Variants in DLGAP3 observed in about 807,000 individuals in gnomAD.
DLGAP3 encodes the protein disks large-associated protein 3.
A neutral mutation model predicts 81.2 loss-of-function variants in DLGAP3; 17 were observed. The observed-to-expected ratio is 0.21, with a 90% CI of 0.14 to 0.31. The LOEUF is 0.31. Ranked by LOEUF, DLGAP3 falls within the 10% of genes least tolerant of loss-of-function variation. The pLI is 1.00. For missense variants in DLGAP3, 1,124 were observed against 1,388.0 expected, an observed-to-expected ratio of 0.81 and a Z score of 3.02; for synonymous variants, 577 against 587.4, an observed-to-expected ratio of 0.98 and a Z score of 0.26.
intron 8 of DLGAP3, 135 bp downstream of exon 8, chr1:34,884,843 C>A: frequency 1.4e-6 from 1 of 735,394 alleles, no homozygotes; most frequent in South Asian, 1.5e-5. Context: ...CTGCTCTGAC[C>A]ACCCTCTATA....
In DLGAP3 at chr1:34,867,457, C is replaced by G; in HGVS notation, c.2577+79G>C. 1 of 1,304,396 alleles carries G rather than the reference C, an allele frequency of 7.7e-7. No homozygotes were observed. Among genetic ancestry groups the G allele is most frequent in the East Asian group, 2.3e-5 (1 of 43,500 alleles). The allele number at this position is 1,304,396 out of a possible 1,614,324, so 80.8% of individuals were successfully genotyped here. A position where few individuals can be genotyped will look rare whatever the true frequency, so the allele number is the denominator to read the frequency against. On this transcript the variant is annotated intron_variant, in intron 10 of 11. Coordinates refer to ENST00000373347, the MANE Select transcript of DLGAP3 (RefSeq NM_001080418.3). This position sits in a 1 kb window ranked among gnomAD's most constrained non-coding sequence, Gnocchi z 4.3. ...CCTCTGGTACACACTCACTCTGGGT[C>G]ACCTGCCTGTCTCACCTCCAGCACA...
intron 5 of DLGAP3, among the ~76,000 whole-genome samples, chr1:34,894,901 A>G (rs189191397): frequency 6.6e-6 from 1 of 152,236 alleles, no homozygotes; most frequent in East Asian, 1.9e-4. Context: ...AGTCCACATA[A>G]GAAGGGAAGA....
chr1:34,898,805 G>A (rs1368996678), intron 5 of DLGAP3, among the ~76,000 whole-genome samples: 2 of 152,208 alleles, frequency 1.3e-5, no homozygotes, highest in African/African-American at 4.8e-5. Context: ...GTCTAATTAA[G>A]GGGAAAGTCT....
At chr1:34,875,833 A>G (rs1639042244) in intron 8 of DLGAP3, among the ~76,000 whole-genome samples, 1 of 152,146 alleles carries the variant, frequency 6.6e-6, no homozygotes, top group Admixed American at 6.5e-5. Flanking sequence ...CTGGAACCTT[A>G]TCTCCCATTT....
chr1:34,899,654 T>G lies in DLGAP3; in HGVS notation c.1386+15A>C, dbSNP rs777818101. Reference sequence around the variant, plus strand: ...TTTTCACTCTTTCCTCCAGGCATACTGGGCCTCTCCCTACCTGTCCAGTGG... The same window carrying G: ...TTTTCACTCTTTCCTCCAGGCATACGGGGCCTCTCCCTACCTGTCCAGTGG... On this transcript the variant is annotated intron_variant, in intron 5 of 11. Coordinates refer to ENST00000373347, the MANE Select transcript of DLGAP3 (RefSeq NM_001080418.3). 1.9e-6 allele frequency: 3 copies of G among 1,607,612 alleles called. No individual in the cohort carries two copies. The highest frequency in any genetic ancestry group is 2.6e-6 in the Non-Finnish European group (3 of 1,174,272).
chr1:34,908,562 C>T (rs1239918047), intron 1 of DLGAP3, among the ~76,000 whole-genome samples: 3 of 152,078 alleles, frequency 2.0e-5, no homozygotes, highest in Admixed American at 6.5e-5. Context: ...TTGCAGCAGC[C>T]GTGACTGGAA....
chr1:34,904,538 C>G lies in DLGAP3; in HGVS notation c.846G>C (p.Glu282Asp). Residue 282 changes from glutamate to aspartate, a missense_variant, in exon 3 of 12, where the codon GAG becomes GAC. Glu to Asp is a conservative substitution (Grantham distance 45). Around this residue, in one of 9 missense-constraint regions of DLGAP3, gnomAD observed 357 missense variants for 408.8 expected, o/e 0.87. Coordinates refer to ENST00000373347, the MANE Select transcript of DLGAP3 (RefSeq NM_001080418.3). This position sits in a 1 kb window ranked among gnomAD's most constrained non-coding sequence, Gnocchi z 8.1. ...GFLAGGRPPG[E>D]PGGPFCLEGP... is the part of the protein sequence containing the mutation. ...CCTCCAGGCAGAAGGGACCACCAGG[C>G]TCCCCAGGGGGCCTCCCACCCGCCA... is the stretch of plus-strand genomic sequence containing the variant. 6.2e-7 allele frequency: 1 copy of G among 1,614,202 alleles called. No individual in the cohort carries two copies. Among genetic ancestry groups the G allele is most frequent in the Non-Finnish European group, 8.5e-7 (1 of 1,180,006 alleles).
Position 34,867,168 on chromosome 1 carries a change from G to T in DLGAP3, c.2601C>A (p.Pro867=), listed in dbSNP as rs1410066714. ...QSMDPTAFPV[P]TFQDLAGFWD... is the part of the protein sequence containing the mutation. The stretch of plus-strand genomic sequence containing the variant: ...AGAAACCCGCCAGGTCCTGGAAGGT[G>T]GGCACAGGGAACGCAGTGGGATCCT... The change falls in exon 11 of 12, where the codon CCC becomes CCA. Residue 867 remains proline, a synonymous_variant. Transcript: ENST00000373347. The surrounding 1 kb of genome is among the most constrained non-coding windows in gnomAD (Gnocchi z 4.3). 5 of 1,614,064 alleles carry T rather than the reference G, an allele frequency of 3.1e-6. No homozygotes were observed. The highest frequency in any genetic ancestry group is 4.2e-6 in the Non-Finnish European group (5 of 1,180,026).
At chr1:34,917,205 G>A (rs1639731948) in intron 1 of DLGAP3, among the ~76,000 whole-genome samples, 1 of 152,054 alleles carries the variant, frequency 6.6e-6, no homozygotes, top group South Asian at 2.1e-4. Context: ...ACACAGCCAC[G>A]CAGTCATCCA....
At chr1:34,871,551 A>C (rs145881361) in intron 8 of DLGAP3, among the ~76,000 whole-genome samples, 1 of 152,296 alleles carries the variant, frequency 6.6e-6, no homozygotes, top group African/African-American at 2.4e-5. Context: ...ATCTTGACTT[A>C]CTTTGAATGT....
rs951083246 is a variant in DLGAP3, at chr1:34,900,944, C to T, written c.1108-671G>A. Among the ~76,000 whole-genome samples the T allele has an allele frequency of 2.7e-5, 4 of 150,798 alleles. No individual in the cohort carries two copies. The highest frequency in any genetic ancestry group is 4.9e-5 in the African/African-American group (2 of 40,800). ...AGGAGCATCAGTGAGCCTGATTAGA[C>T]GTGGGGGATGAGGGGGCGGGAGGAG... On this transcript the variant is annotated intron_variant, in intron 3 of 11. Transcript: ENST00000373347. The surrounding 1 kb of genome is among the most constrained non-coding windows in gnomAD (Gnocchi z 5.6).
At chr1:34,898,796 T>A (rs1241281564) in intron 5 of DLGAP3, among the ~76,000 whole-genome samples, 1 of 152,206 alleles carries the variant, frequency 6.6e-6, no homozygotes, top group Non-Finnish European at 1.5e-5. Context: ...GCTGCTTCCG[T>A]CTAATTAAGG....
chr1:34,907,823 C>T (rs571938083), intron 1 of DLGAP3, among the ~76,000 whole-genome samples: 11 of 152,200 alleles, frequency 7.2e-5, no homozygotes, highest in Admixed American at 1.3e-4. Flanking sequence ...TGGTCCCTGT[C>T]CTCGAGGGGT....
At chr1:34,924,645 T>C (rs987166318) in intron 1 of DLGAP3, among the ~76,000 whole-genome samples, 1 of 152,138 alleles carries the variant, frequency 6.6e-6, no homozygotes, top group Non-Finnish European at 1.5e-5. Flanking sequence ...CTGGTATCAA[T>C]ATCTCTGAGC....
chr1:34,919,519 C>T (rs1271831261), intron 1 of DLGAP3, among the ~76,000 whole-genome samples: 10 of 152,198 alleles, frequency 6.6e-5, no homozygotes, highest in African/African-American at 2.4e-4. Flanking sequence ...TGACTCATAC[C>T]TGTAATCCCA....
At position 34,895,916 on chromosome 1, in the gene DLGAP3, A is replaced by G. The variant is rs1639372582; in HGVS notation, c.1386+3753T>C. 7.9e-6 allele frequency among the ~76,000 whole-genome samples: 1 copy of G among 127,288 alleles called. No homozygotes were observed. Among genetic ancestry groups the G allele is most frequent in the African/African-American group, 2.9e-5 (1 of 35,012 alleles). The allele number at this position is 127,288 out of a possible 152,430, so 83.5% of individuals were successfully genotyped here. On this transcript the variant is annotated intron_variant, in intron 5 of 11. Transcript: ENST00000373347. This position sits in a 1 kb window ranked among gnomAD's most constrained non-coding sequence, Gnocchi z 4.5. The stretch of plus-strand genomic sequence containing the variant: ...GCTGGACCCCTAACTTGAATCACAC[A>G]TACACACACACACACACACACACAC...
chr1:34,898,493 A>G (rs1639408719), intron 5 of DLGAP3, among the ~76,000 whole-genome samples: 1 of 152,256 alleles, frequency 6.6e-6, no homozygotes, highest in Non-Finnish European at 1.5e-5. Flanking sequence ...AGCTGTGCCA[A>G]TCAGATTTCC....
At chr1:34,924,326 A>G (rs1184924586) in intron 1 of DLGAP3, among the ~76,000 whole-genome samples, 2 of 151,836 alleles carry the variant, frequency 1.3e-5, no homozygotes, top group African/African-American at 2.4e-5. Flanking sequence ...TCTCTTCTCC[A>G]TGGCACTGAA....
In DLGAP3 at chr1:34,914,462, C is replaced by CTGAA. The variant is rs1639686679; in HGVS notation, c.-134-7026_-134-7025insTTCA. Among the ~76,000 whole-genome samples, 3 of 152,278 alleles carry CTGAA rather than the reference C, an allele frequency of 2.0e-5. No individual in the cohort carries two copies. In the South Asian group the frequency reaches 6.2e-4, roughly 32 times the overall value. ...TCTAGGACCAGAACTCCTCTAGGAC[C>CTGAA]CGAACTCCTCTAGGACCCTCGTTAG... is the stretch of plus-strand genomic sequence containing the variant. On this transcript the variant is annotated intron_variant, in intron 1 of 11. Transcript: ENST00000373347.
Sources: gnomAD v4.1 joint callset for allele counts (sites outside exome capture counted in the v4.1 genomes callset) on GRCh38, gnomAD v4.1.1 for gene constraint, gnomAD v4.1.1 regional missense constraint, Gnocchi (gnomAD v3.1) non-coding constraint, MANE v1.5 for transcripts, NCBI Gene and HGNC (gene_info 2026-07-23, HGNC 2026-07-21) for gene names.